Variants in USP28 observed in about 807,000 individuals in gnomAD.
USP28 encodes ubiquitin specific peptidase 28, also known as ubiquitin carboxyl-terminal hydrolase 28.
Under a neutral mutation model 145.0 loss-of-function variants are expected in USP28, and 113 were observed. The observed-to-expected ratio is 0.78, with a 90% CI of 0.67 to 0.91. USP28 has a LOEUF of 0.91. USP28 is among the 40% of genes least tolerant of loss of function. The pLI, the probability that USP28 is intolerant of heterozygous loss-of-function variation, is 0.00. For synonymous variants in USP28, 447 were observed against 450.9 expected, an observed-to-expected ratio of 0.99 and a Z score of 0.11; for missense variants, 1,201 against 1,289.6, an observed-to-expected ratio of 0.93 and a Z score of 1.05.
intron 1 of USP28, among the ~76,000 whole-genome samples, chr11:113,869,799 G>C (rs1361705291): frequency 6.6e-6 from 1 of 152,152 alleles, no homozygotes; most frequent in African/African-American, 2.4e-5. Flanking sequence ...AGCCAAGGAG[G>C]TTGATATTCA....
intron 12 of USP28, 117 bp downstream of exon 12, chr11:113,823,488 T>A (rs980650428): frequency 1.2e-6 from 1 of 849,510 alleles, no homozygotes; most frequent in African/African-American, 1.7e-5. Flanking sequence ...TTTTCTTAGC[T>A]GTTTTATAAA....
intron 1 of USP28, 92 bp downstream of exon 1, chr11:113,875,353 G>A (rs958535363): frequency 1.0e-5 from 11 of 1,060,834 alleles, no homozygotes; most frequent in African/African-American, 5.1e-5. Flanking sequence ...GGCGCCCTCC[G>A]CAGCCCGCAA....
rs750950355 is a variant in USP28 at position 113,817,714 on chromosome 11, C to T, written c.1407G>A (p.Met469Ile). The T allele has an allele frequency of 6.2e-7, 1 of 1,614,202 alleles. No homozygotes were observed. The highest frequency in any genetic ancestry group is 1.7e-5 in the Admixed American group (1 of 60,024). Reference sequence around the variant, plus strand: ...AGTGCACTGAAGAAAGTGGTAATGTCATATGTGTGTCACTTTCAGGTGGAC... The same window carrying T: ...AGTGCACTGAAGAAAGTGGTAATGTTATATGTGTGTCACTTTCAGGTGGAC... The change falls in exon 13 of 25, where the codon ATG becomes ATA. Residue 469 changes from methionine (M) to isoleucine (I), a missense_variant. By Grantham distance (10) the Met-to-Ile change is conservative. Transcript: ENST00000003302.
intron 1 of USP28, 88 bp downstream of exon 1, chr11:113,875,357 C>T: frequency 9.2e-7 from 1 of 1,083,206 alleles, no homozygotes; most frequent in African/African-American, 1.7e-5. Context: ...CCCTCCGCAG[C>T]CCGCAACCCG....
chr11:113,833,306 T>C, intron 7 of USP28, 114 bp downstream of exon 7: 1 of 1,398,842 alleles, frequency 7.1e-7, no homozygotes, highest in South Asian at 1.5e-5. Context: ...GAAACGAGCA[T>C]CCATAGTCCT....
intron 18 of USP28, 37 bp from the exon 19 acceptor site, chr11:113,808,173 A>C (rs1940346017): frequency 6.6e-7 from 1 of 1,524,942 alleles, no homozygotes. Flanking sequence ...GTAAGAAAAA[A>C]CAGGAGAAAT....
chr11:113,858,766 C>T (rs555933577), intron 1 of USP28, among the ~76,000 whole-genome samples: 5 of 152,166 alleles, frequency 3.3e-5, no homozygotes, highest in East Asian at 1.9e-4. Context: ...CCCACCACCA[C>T]GCCTAGCTAA....
At chr11:113,836,147 A>G (rs1944544758) in intron 5 of USP28, among the ~76,000 whole-genome samples, 1 of 152,120 alleles carries the variant, frequency 6.6e-6, no homozygotes, top group Non-Finnish European at 1.5e-5. Flanking sequence ...ACATCTCCCA[A>G]TTTATTCCTT....
intron 12 of USP28, among the ~76,000 whole-genome samples, chr11:113,819,525 T>C (rs1249557804): frequency 6.6e-6 from 1 of 152,242 alleles, no homozygotes; most frequent in Non-Finnish European, 1.5e-5. Context: ...TCAGTTCTAC[T>C]ACCTAATGGT....
At chr11:113,829,822 CT>C (rs1173510548) in intron 9 of USP28, among the ~76,000 whole-genome samples, 2,826 of 51,544 alleles carry the variant, frequency 0.055, 30 homozygotes, top group Non-Finnish European at 0.084. Flanking sequence ...AAGGACTTGT[CT>C]CAAAAAAAAA....
intron 1 of USP28, chr11:113,875,024 G>A: frequency 1.5e-6 from 1 of 683,614 alleles, no homozygotes; most frequent in African/African-American, 1.9e-5. Flanking sequence ...GATAACTTCG[G>A]TCTGCTTTAA....
At chr11:113,801,328 CTCT>C (rs1175169610) in intron 24 of USP28, among the ~76,000 whole-genome samples, 152 bp downstream of exon 25, 1 of 152,216 alleles carries the variant, frequency 6.6e-6, no homozygotes, top group East Asian at 1.9e-4. Flanking sequence ...AGGCTCCCTC[CTCT>C]TGTTTCAATA....
intron 3 of USP28, among the ~76,000 whole-genome samples, chr11:113,851,786 A>G (rs1373554163): frequency 7.1e-6 from 1 of 140,536 alleles, no homozygotes; most frequent in Non-Finnish European, 1.5e-5. Context: ...CTCCATCTCA[A>G]AAAAAAAAAA....
intron 18 of USP28, among the ~76,000 whole-genome samples, 197 bp downstream of exon 19, chr11:113,807,754 T>G (rs1283832655): frequency 6.6e-6 from 1 of 152,188 alleles, no homozygotes; most frequent in Non-Finnish European, 1.5e-5. Context: ...GATATACATA[T>G]GCTGGGAGCG....
exon 7 of USP28, chr11:113,833,447 T>C (rs1944238358): frequency 6.2e-7 from 1 of 1,613,896 alleles, no homozygotes; most frequent in African/African-American, 1.3e-5. Flanking sequence ...ATCGGAATGC[T>C]CCCTTTAATA....
intron 1 of USP28, among the ~76,000 whole-genome samples, chr11:113,855,212 G>A (rs1437375010): frequency 6.6e-6 from 1 of 152,106 alleles, no homozygotes; most frequent in Non-Finnish European, 1.5e-5. Flanking sequence ...CTAAATCATG[G>A]AAAAACCTAA....
intron 18 of USP28, among the ~76,000 whole-genome samples, chr11:113,807,353 C>A (rs890347449): frequency 6.6e-6 from 1 of 151,020 alleles, no homozygotes; most frequent in African/African-American, 2.4e-5. Flanking sequence ...GGATTATAGG[C>A]GTAAACCTCC....
chr11:113,814,126 AG>A (rs1356102156), intron 14 of USP28, among the ~76,000 whole-genome samples, 171 bp from the exon 15 acceptor site: 3 of 152,244 alleles, frequency 2.0e-5, no homozygotes, highest in Non-Finnish European at 4.4e-5. Context: ...AGGTTATGAA[AG>A]CTTTTAGTTC....
chr11:113,829,207 T>C, exon 10 of USP28: 1 of 1,613,906 alleles, frequency 6.2e-7, no homozygotes, highest in Non-Finnish European at 8.5e-7. Context: ...CTCTTGTCCA[T>C]ACTTCACCGA....
Sources: gnomAD v4.1 joint callset for allele counts (sites outside exome capture counted in the v4.1 genomes callset) on GRCh38, gnomAD v4.1.1 for gene constraint, MANE v1.5 for transcripts, NCBI Gene and HGNC (gene_info 2026-07-23, HGNC 2026-07-21) for gene names.